The following MIPOL1 variants were observed in gnomAD, a reference collection of about 807,000 sequenced individuals.
MIPOL1 encodes the protein mirror-image polydactyly gene 1 protein.
Under a neutral mutation model 60.9 loss-of-function variants are expected in MIPOL1, and 57 were observed. The ratio of observed to expected loss-of-function variants is 0.94; its 90% confidence interval spans 0.76 to 1.17. The LOEUF (loss-of-function observed/expected upper bound fraction) is 1.17. MIPOL1 is among the 50% of genes most tolerant of loss of function. The probability of loss-of-function intolerance (pLI) is 0.00; values close to 1 mark genes in which losing one functional copy is unlikely to be tolerated. For synonymous variants in MIPOL1, 179 were observed against 168.8 expected, an observed-to-expected ratio of 1.06 and a Z score of -0.47; for missense variants, 551 against 511.6, an observed-to-expected ratio of 1.08 and a Z score of -0.74.
At chr14:37,283,617 T>C (rs1439833377) in intron 6 of MIPOL1, among the ~76,000 whole-genome samples, 1 of 152,176 alleles carries the variant, frequency 6.6e-6, no homozygotes, top group African/African-American at 2.4e-5. Flanking sequence ...TAAGTCACAT[T>C]GTGCGTCTGT....
intron 11 of MIPOL1, among the ~76,000 whole-genome samples, chr14:37,465,164 C>T (rs1361083545): frequency 6.6e-6 from 1 of 152,108 alleles, no homozygotes; most frequent in African/African-American, 2.4e-5. Flanking sequence ...CATGAATATT[C>T]CATGCTGCCT....
rs113885351 is a variant in MIPOL1 at position 37,412,319 on chromosome 14, C to T, written c.937-10536C>T. 4.2e-3 allele frequency among the ~76,000 whole-genome samples: 644 copies of T among 151,684 alleles called. 5 individuals carry two copies. The highest frequency in any genetic ancestry group is 0.031 in the Middle Eastern group (9 of 292). On this transcript the variant is annotated intron_variant, in intron 10 of 12. Transcript: ENST00000684589. ...CTACTATATAGTCCCTACCTTGACA[C>T]GTATGTATGTAAATAACTGTGGTGT... is the stretch of plus-strand genomic sequence containing the variant.
At chr14:37,364,253 A>G (rs551513482) in intron 9 of MIPOL1, among the ~76,000 whole-genome samples, 1 of 152,334 alleles carries the variant, frequency 6.6e-6, no homozygotes, top group South Asian at 2.1e-4. Flanking sequence ...AGCTGTTCCT[A>G]TTTGGCTGTC....
intron 11 of MIPOL1, among the ~76,000 whole-genome samples, chr14:37,481,282 C>T (rs960822058): frequency 6.6e-6 from 1 of 151,938 alleles, no homozygotes; most frequent in African/African-American, 2.4e-5. Context: ...ATAGCTACCC[C>T]CTAAAAAAAT....
intron 10 of MIPOL1, among the ~76,000 whole-genome samples, chr14:37,386,939 C>A (rs774519967): frequency 6.6e-6 from 1 of 151,916 alleles, no homozygotes; most frequent in African/African-American, 2.4e-5. Context: ...ATAGTTATCT[C>A]ATTTTTCCCA....
chr14:37,464,367 G>A (rs967012932), intron 11 of MIPOL1, among the ~76,000 whole-genome samples: 10 of 152,134 alleles, frequency 6.6e-5, no homozygotes, highest in African/African-American at 1.4e-4. Flanking sequence ...AAGAAAATGT[G>A]GTATATATAC....
chr14:37,338,893 A>G (rs1025461615), intron 9 of MIPOL1, among the ~76,000 whole-genome samples: 1 of 152,214 alleles, frequency 6.6e-6, no homozygotes, highest in African/African-American at 2.4e-5. Flanking sequence ...CAAAGAAACC[A>G]TAGGAAAATG....
At chr14:37,433,296 G>GGTATACACAGGTA in intron 11 of MIPOL1, among the ~76,000 whole-genome samples, 1 of 151,996 alleles carries the variant, frequency 6.6e-6, no homozygotes, top group Middle Eastern at 3.4e-3. Flanking sequence ...AGGTATACAT[G>GGTATACACAGGTA]TACCATGGTG....
At chr14:37,250,202 A>G (rs1254867772) in intron 3 of MIPOL1, among the ~76,000 whole-genome samples, 1 of 152,138 alleles carries the variant, frequency 6.6e-6, no homozygotes, top group Non-Finnish European at 1.5e-5. Context: ...TCTTTTTGAC[A>G]TTGGAAAGAG....
chr14:37,505,467 C>T (rs141043715), intron 12 of MIPOL1: 3 of 152,146 alleles, frequency 2.0e-5, no homozygotes, highest in Non-Finnish European at 2.9e-5. Context: ...CATCAATAAA[C>T]GTAATCCATC....
chr14:37,288,265 C>A (rs2084757393), intron 7 of MIPOL1, among the ~76,000 whole-genome samples: 1 of 151,762 alleles, frequency 6.6e-6, no homozygotes, highest in Non-Finnish European at 1.5e-5. Flanking sequence ...CCTTGACCCC[C>A]CAAAATGCTG....
chr14:37,345,511 T>C (rs746264524), intron 9 of MIPOL1, among the ~76,000 whole-genome samples: 1 of 152,258 alleles, frequency 6.6e-6, no homozygotes. Flanking sequence ...TTTCTTTAGA[T>C]AGCAGGGAAC....
chr14:37,245,526 GATTT>G (rs1265697602), intron 1 of MIPOL1, among the ~76,000 whole-genome samples: 1 of 152,008 alleles, frequency 6.6e-6, no homozygotes, highest in Non-Finnish European at 1.5e-5. Flanking sequence ...TTAATATTTT[GATTT>G]ATTTTATTTT....
chr14:37,238,651 G>A (rs1971860269), intron 1 of MIPOL1, among the ~76,000 whole-genome samples: 1 of 151,986 alleles, frequency 6.6e-6, no homozygotes, highest in Non-Finnish European at 1.5e-5. Flanking sequence ...AAACTTTCTT[G>A]AAAGAAGTGC....
At chr14:37,462,352 G>A (rs976850198) in intron 11 of MIPOL1, among the ~76,000 whole-genome samples, 2 of 152,158 alleles carry the variant, frequency 1.3e-5, no homozygotes, top group African/African-American at 4.8e-5. Flanking sequence ...CCTGGGGCTG[G>A]CCCACAAAAC....
intron 11 of MIPOL1, among the ~76,000 whole-genome samples, chr14:37,440,996 A>T (rs767423974): frequency 6.6e-6 from 1 of 152,124 alleles, no homozygotes; most frequent in Non-Finnish European, 1.5e-5. Flanking sequence ...TTTAATTTGC[A>T]TTTCTCTGAT....
chr14:37,341,362 C>T (rs541938533), intron 9 of MIPOL1, among the ~76,000 whole-genome samples: 14 of 152,110 alleles, frequency 9.2e-5, no homozygotes, highest in Non-Finnish European at 1.6e-4. Flanking sequence ...CTAAAAAGAG[C>T]GTTCTGATTT....
At chr14:37,532,060 G>A (rs2095483078) in intron 12 of MIPOL1, among the ~76,000 whole-genome samples, 9 of 152,056 alleles carry the variant, frequency 5.9e-5, no homozygotes, top group Admixed American at 5.2e-4. Flanking sequence ...AGTGTCTTTC[G>A]TAACTCTCTA....
intron 9 of MIPOL1, among the ~76,000 whole-genome samples, chr14:37,353,219 T>C (rs933360402): frequency 3.4e-4 from 50 of 145,816 alleles, no homozygotes; most frequent in Non-Finnish European, 6.0e-4. Flanking sequence ...TATTGATTTG[T>C]GTATATTGAA....
Sources: gnomAD v4.1 joint callset for allele counts (sites outside exome capture counted in the v4.1 genomes callset) on GRCh38, gnomAD v4.1.1 for gene constraint, MANE v1.5 for transcripts, NCBI Gene and HGNC (gene_info 2026-07-23, HGNC 2026-07-21) for gene names.